ATP13A2: variants seen among roughly 807,000 people sequenced by gnomAD.
The protein encoded by ATP13A2 is polyamine-transporting ATPase 13A2.
A neutral mutation model predicts 138.3 loss-of-function variants in ATP13A2; 83 were observed. The ratio of observed to expected loss-of-function variants is 0.60; its 90% CI spans 0.50 to 0.72. ATP13A2 has a LOEUF of 0.72. Ranked by LOEUF, ATP13A2 falls within the 30% of genes least tolerant of loss-of-function variation. The probability of loss-of-function intolerance (pLI) is 0.00; values close to 1 mark genes in which losing one functional copy is unlikely to be tolerated. For missense variants in ATP13A2, 1,402 were observed against 1,606.4 expected (o/e 0.87, Z 2.17); for synonymous variants, 663 against 699.0 (o/e 0.95, Z 0.81).
At position 16,992,307 on chromosome 1, in the gene ATP13A2, A is replaced by G. The variant is rs746587104; in HGVS notation, c.1941T>C (p.Thr647=). The part of the protein sequence containing the change: ...MSVVVAWPGA[T]QPEAYVKGSP... ...AGCCTTTGACGTAGGCCTCGGGCTGAGTGGCCCCTGGCCACGCCACCACCA... is the reference window on the plus strand; with the variant it reads ...AGCCTTTGACGTAGGCCTCGGGCTGGGTGGCCCCTGGCCACGCCACCACCA... The change falls in exon 18 of 29, where the codon ACT becomes ACC. Residue 647 remains threonine, a synonymous_variant. Transcript: ENST00000326735. 1.6e-5 allele frequency: 25 copies of G among 1,612,458 alleles called. No individual in the cohort carries two copies. Among genetic ancestry groups the G allele is most frequent in the Non-Finnish European group, 1.9e-5 (23 of 1,179,772 alleles).
In ATP13A2 at chr1:16,995,551, G is replaced by A. The variant is rs1045157975; in HGVS notation, c.1542+425C>T. The A allele has an allele frequency of 9.3e-6, 3 of 323,948 alleles. No individual in the cohort carries two copies. The highest frequency in any genetic ancestry group is 1.8e-5 in the Non-Finnish European group (3 of 164,338). 20.1% of individuals were successfully genotyped at this position (323,948 alleles called of 1,614,324 possible). A position where few individuals can be genotyped will look rare whatever the true frequency, so the allele number is the denominator to read the frequency against. The stretch of plus-strand genomic sequence containing the variant: ...GATCTTGGCTCACTGCAACCTCTGC[G>A]ATTCTCCTGCCTCAGCCTCCCGAGT... On this transcript the variant is annotated intron_variant, in intron 15 of 28. Transcript: ENST00000326735. This position sits in a 1 kb window ranked among gnomAD's most constrained non-coding sequence, Gnocchi z 4.1.
rs1242526524 is a variant in ATP13A2, at chr1:16,996,454, T to C, written c.1238A>G (p.His413Arg). ...AKGGLVSSIL[H>R]PRPINFKFYK... ...GAACTTGAAGTTGATGGGCCGGGGG[T>C]GCAAGATGGAGCTCACCAGGCCCCC... The change falls in exon 13 of 29, where the codon CAC becomes CGC. Residue 413 changes from histidine (H) to arginine (R), a missense_variant. Coordinates refer to ENST00000326735, the MANE Select transcript of ATP13A2 (RefSeq NM_022089.4). 2 of 1,613,846 alleles carry C rather than the reference T, an allele frequency of 1.2e-6. No homozygotes were observed. Among genetic ancestry groups the C allele is most frequent in the East Asian group, 2.2e-5 (1 of 44,856 alleles).
rs767123554 is a variant in ATP13A2 at position 17,000,521 on chromosome 1, T to C, written c.719A>G (p.Tyr240Cys). ...GATGCTGAAGGCCTGGAACCCATAGTAGGGGTTCAGTGCCTGGGGGAGGGG... is the reference window on the plus strand; with the variant it reads ...GATGCTGAAGGCCTGGAACCCATAGCAGGGGTTCAGTGCCTGGGGGAGGGG... ...QLLVDEALNP[Y>C]YGFQAFSIAL... The change falls in exon 9 of 29, where the codon TAC (tyrosine) becomes TGC (cysteine). Residue 240 changes from tyrosine (Y) to cysteine (C), a missense_variant. Physicochemically the swap from Tyr to Cys is radical, Grantham distance 194. Coordinates refer to ENST00000326735, the MANE Select transcript of ATP13A2 (RefSeq NM_022089.4). The C allele has an allele frequency of 3.1e-6, 5 of 1,613,900 alleles. No individual in the cohort carries two copies. The highest frequency in any genetic ancestry group is 1.3e-5 in the African/African-American group (1 of 75,004).
Position 16,997,103 on chromosome 1 carries a change from C to A in ATP13A2, c.1112G>T (p.Arg371Leu). The A allele has an allele frequency of 1.2e-6, 2 of 1,613,726 alleles. No individual in the cohort carries two copies. Among genetic ancestry groups the A allele is most frequent in the Non-Finnish European group, 8.5e-7 (1 of 1,180,014 alleles). Residue 371 changes from arginine to leucine, a missense_variant, in exon 12 of 29, where the codon CGG (arginine) becomes CTG (leucine). Coordinates refer to ENST00000326735, the MANE Select transcript of ATP13A2 (RefSeq NM_022089.4). ...GAGGGTCCCGCAGAAGAGTGTGTGCCGCCGGTGTGTCTCTGCACAGTAGGG... is the reference window on the plus strand; with the variant it reads ...GAGGGTCCCGCAGAAGAGTGTGTGCAGCCGGTGTGTCTCTGCACAGTAGGG... ...LGPYCAETHR[R>L]HTLFCGTLIL...
intron 1 of ATP13A2, among the ~76,000 whole-genome samples, chr1:17,008,957 C>CAAAAAAAAAA (rs59927720): frequency 9.0e-6 from 1 of 111,666 alleles, no homozygotes; most frequent in African/African-American, 3.3e-5. Flanking sequence ...GAGCAAGACT[C>CAAAAAAAAAA]AAAAAAAAAA....
chr1:17,005,257 G>T (rs1359855491), intron 3 of ATP13A2, 117 bp downstream of exon 3: 2 of 1,482,760 alleles, frequency 1.3e-6, no homozygotes, highest in Admixed American at 3.9e-5. Context: ...AGAGAAGAGC[G>T]GGACCTGCCT....
intron 11 of ATP13A2, 101 bp downstream of exon 11, chr1:16,999,910 C>CA (rs1267818643): frequency 8.3e-6 from 12 of 1,445,506 alleles, no homozygotes; most frequent in Middle Eastern, 1.9e-4. Context: ...CACAAAAAAA[C>CA]AAAAAAGGAA....
At position 16,995,802 on chromosome 1, in the gene ATP13A2, C is replaced by T. The variant is rs905205263; in HGVS notation, c.1542+174G>A. ...ATTCTAGACATTTCATCTGCCAGACCGTGAGCCCAGTGAGGGCAGGAGTGG... is the reference window on the plus strand; with the variant it reads ...ATTCTAGACATTTCATCTGCCAGACTGTGAGCCCAGTGAGGGCAGGAGTGG... On this transcript the variant is annotated intron_variant, in intron 15 of 28. Transcript: ENST00000326735. This position sits in a 1 kb window ranked among gnomAD's most constrained non-coding sequence, Gnocchi z 4.1. The T allele has an allele frequency of 1.3e-5, 11 of 815,444 alleles. No homozygotes were observed. Among genetic ancestry groups the T allele is most frequent in the African/African-American group, 3.4e-5 (2 of 59,290 alleles). The allele number at this position is 815,444 out of a possible 1,614,324, so 50.5% of individuals were successfully genotyped here. A position where few individuals can be genotyped will look rare whatever the true frequency, so the allele number is the denominator to read the frequency against.
At position 16,986,087 on chromosome 1, in the gene ATP13A2, T is replaced by C; in HGVS notation, c.*134A>G. 6.5e-7 allele frequency: 1 copy of C among 1,541,788 alleles called. No individual in the cohort carries two copies. The highest frequency in any genetic ancestry group is 8.8e-7 in the Non-Finnish European group (1 of 1,142,434). ...CAACGCTTCCCCAGGGTGGGGGTGGTCTCGGGGGAGGAGTGTAGACAGTCG... is the reference window on the plus strand; with the variant it reads ...CAACGCTTCCCCAGGGTGGGGGTGGCCTCGGGGGAGGAGTGTAGACAGTCG... On this transcript the variant is annotated 3_prime_UTR_variant, in exon 29 of 29. Coordinates refer to ENST00000326735, the MANE Select transcript of ATP13A2 (RefSeq NM_022089.4). The surrounding 1 kb of genome is among the most constrained non-coding windows in gnomAD (Gnocchi z 6.9).
chr1:16,997,316 T>G, intron 11 of ATP13A2, 141 bp from the exon 12 acceptor site: 3 of 1,024,568 alleles, frequency 2.9e-6, no homozygotes, highest in Non-Finnish European at 4.4e-6. Flanking sequence ...CACAGCCCCA[T>G]TTTACAGAGA....
At position 17,011,702 on chromosome 1, in the gene ATP13A2, CG is replaced by C; in HGVS notation, c.10+26del. On this transcript the variant is annotated intron_variant, in intron 1 of 28. Coordinates refer to ENST00000326735, the MANE Select transcript of ATP13A2 (RefSeq NM_022089.4). This position sits in a 1 kb window ranked among gnomAD's most constrained non-coding sequence, Gnocchi z 7.3. ...GGCGGGCCGGGGACCGCGCCGGGCT[CG>C]GGGCCGACCCGGACTCCGCACTCAC... 6.7e-7 allele frequency: 1 copy of C among 1,484,420 alleles called. No individual in the cohort carries two copies. The highest frequency in any genetic ancestry group is 8.9e-7 in the Non-Finnish European group (1 of 1,123,832). The allele number at this position is 1,484,420 out of a possible 1,614,324, so 92.0% of individuals were successfully genotyped here. A position where few individuals can be genotyped will look rare whatever the true frequency, so the allele number is the denominator to read the frequency against.
At chr1:17,002,418 G>A in intron 6 of ATP13A2, 45 bp from the exon 7 acceptor site, 2 of 1,592,322 alleles carry the variant, frequency 1.3e-6, no homozygotes, top group Non-Finnish European at 1.7e-6. Flanking sequence ...TGGGGCCTGA[G>A]GTCTGCATCC....
chr1:17,000,610 C>T (rs1347397344), intron 8 of ATP13A2, 76 bp from the exon 9 acceptor site: 1 of 1,559,456 alleles, frequency 6.4e-7, no homozygotes, highest in African/African-American at 1.4e-5. Context: ...TCTCCTGTGC[C>T]CATGGGAGCA....
chr1:17,008,534 G>T (rs1319426331), intron 1 of ATP13A2, among the ~76,000 whole-genome samples: 1 of 152,140 alleles, frequency 6.6e-6, no homozygotes, highest in Non-Finnish European at 1.5e-5. Context: ...TCCCAGGTCA[G>T]GGGGGCGTGG....
chr1:16,987,296 G>A (rs779406515), intron 25 of ATP13A2, 27 bp from the exon 26 acceptor site: 1 of 1,609,060 alleles, frequency 6.2e-7, no homozygotes, highest in African/African-American at 1.3e-5. Context: ...AGGACAGAGG[G>A]GAAACTAAGA....
At chr1:16,991,274 G>A (rs1053132267) in intron 20 of ATP13A2, among the ~76,000 whole-genome samples, 5 of 151,520 alleles carry the variant, frequency 3.3e-5, no homozygotes, top group Non-Finnish European at 7.4e-5. Flanking sequence ...TTGTAGAGAC[G>A]GAGTTTTGCC....
In ATP13A2 at chr1:17,005,362, C is replaced by G; in HGVS notation, c.288+12G>C. ...TGCGCTTCTCTAGCCCCAGGCTCAG[C>G]CTGACTCTCACCTCTTTGTCTCTTA... On this transcript the variant is annotated intron_variant, in intron 3 of 28. Transcript: ENST00000326735. 1 of 1,586,706 alleles carries G rather than the reference C, an allele frequency of 6.3e-7. No individual in the cohort carries two copies. The highest frequency in any genetic ancestry group is 8.6e-7 in the Non-Finnish European group (1 of 1,165,990).
intron 6 of ATP13A2, among the ~76,000 whole-genome samples, chr1:17,003,358 G>C (rs1047660419): frequency 6.6e-6 from 1 of 152,088 alleles, no homozygotes; most frequent in South Asian, 2.1e-4. Context: ...AGGTATTTGA[G>C]AACAGCCTGG....
intron 14 of ATP13A2, 36 bp from the exon 15 acceptor site, chr1:16,996,200 G>C: frequency 6.2e-7 from 1 of 1,614,174 alleles, no homozygotes; most frequent in Non-Finnish European, 8.5e-7. Flanking sequence ...GCACCTGGCT[G>C]GTTGGCCCCT....
Sources: allele counts gnomAD v4.1 joint callset (sites outside exome capture counted in the v4.1 genomes callset), GRCh38; gene constraint gnomAD v4.1.1; non-coding constraint Gnocchi (gnomAD v3.1); transcripts MANE v1.5; gene names NCBI Gene and HGNC (gene_info 2026-07-23, HGNC 2026-07-21).